TRPM2: variants seen among roughly 807,000 people sequenced by gnomAD.
TRPM2 encodes transient receptor potential cation channel subfamily M member 2, also known as estrogen-responsive element-associated gene 1 protein.
A neutral mutation model predicts 174.0 loss-of-function variants in TRPM2; 161 were observed. That is an observed-to-expected ratio of 0.93 (90% CI 0.81 to 1.05). The LOEUF is 1.05. Among genes scored for constraint, TRPM2 ranks in the 50% least tolerant of loss-of-function variants. TRPM2 has a pLI of 0.00. For missense variants in TRPM2, 2,057 were observed against 2,038.0 expected, an observed-to-expected ratio of 1.01 and a Z score of -0.18; for synonymous variants, 954 against 861.3, an observed-to-expected ratio of 1.11 and a Z score of -1.88.
chr21:44,400,360 C>T lies in TRPM2; in HGVS notation c.2310C>T (p.Leu770=), dbSNP rs756470487. 1.1e-5 allele frequency: 18 copies of T among 1,611,500 alleles called. No homozygotes were observed. Among genetic ancestry groups the T allele is most frequent in the Non-Finnish European group, 1.5e-5 (18 of 1,179,722 alleles). ...MLAFPLLLTG[L]ISFREKRLQD... ...CCTTCCCGCTGCTCCTCACCGGCCT[C>T]ATCTCCTTCAGGTGCTGCAGGGCTG... Residue 770 remains leucine (L), a synonymous_variant, in exon 15 of 32, where the codon CTC becomes CTT. Transcript: ENST00000397928.
intron 16 of TRPM2, among the ~76,000 whole-genome samples, chr21:44,402,671 T>C (rs2049663524): frequency 6.6e-6 from 1 of 152,142 alleles, no homozygotes; most frequent in Non-Finnish European, 1.5e-5. Context: ...CAGGCGGACA[T>C]TCCAAGGGCT....
chr21:44,406,137 A>G, intron 18 of TRPM2, 100 bp downstream of exon 18: 1 of 1,457,822 alleles, frequency 6.9e-7, no homozygotes, highest in Non-Finnish European at 9.3e-7. Flanking sequence ...GGGCTTAAAC[A>G]CACCTGTAGG....
chr21:44,441,948 T>C lies in TRPM2; in HGVS notation c.*131T>C, dbSNP rs1010777583. The C allele has an allele frequency of 2.1e-5, 27 of 1,312,492 alleles. No individual in the cohort carries two copies. Among genetic ancestry groups the C allele is most frequent in the South Asian group, 1.4e-4 (7 of 51,458 alleles). 81.3% of individuals were successfully genotyped at this position (1,312,492 alleles called of 1,614,324 possible). A position where few individuals can be genotyped will look rare whatever the true frequency, so the allele number is the denominator to read the frequency against. ...ACATGATGGGGTTTGGTGGACCCAG[T>C]GCCCCTCACGGCTGCCGCAAGTCTG... On this transcript the variant is annotated 3_prime_UTR_variant, in exon 32 of 32. Coordinates refer to ENST00000397928, the MANE Select transcript of TRPM2 (RefSeq NM_003307.4).
chr21:44,438,868 C>T lies in TRPM2; in HGVS notation c.4168-199C>T, dbSNP rs111286857. Among the ~76,000 whole-genome samples the T allele has an allele frequency of 0.011, 1,647 of 152,318 alleles. 31 individuals carry two copies. The highest frequency in any genetic ancestry group is 0.037 in the African/African-American group (1,542 of 41,576). ...GCAGCCCAGTGCCCCCTGCTCGGGC[C>T]ACGGCAGGCCTCACAGATGCTGACG... On this transcript the variant is annotated intron_variant, in intron 29 of 31. Coordinates refer to ENST00000397928, the MANE Select transcript of TRPM2 (RefSeq NM_003307.4). The surrounding 1 kb of genome is among the most constrained non-coding windows in gnomAD (Gnocchi z 5.9).
At chr21:44,375,690 C>T in intron 5 of TRPM2, 143 bp from the exon 6 acceptor site, 1 of 893,660 alleles carries the variant, frequency 1.1e-6, no homozygotes, top group South Asian at 1.8e-5. Flanking sequence ...ATCACATGTG[C>T]AAAGTCGCTT....
intron 22 of TRPM2, among the ~76,000 whole-genome samples, chr21:44,420,139 C>A (rs760192303): frequency 6.6e-6 from 1 of 152,080 alleles, no homozygotes; most frequent in African/African-American, 2.4e-5. Context: ...ATGATGACTT[C>A]CAGTTGAGCC....
intron 20 of TRPM2, among the ~76,000 whole-genome samples, chr21:44,417,594 T>C (rs1601207160): frequency 1.0e-5 from 1 of 96,008 alleles, no homozygotes; most frequent in Non-Finnish European, 2.0e-5. Flanking sequence ...GTGGCTCTGC[T>C]CTCTGTGGCA....
chr21:44,429,335 T>C (rs1294470514), intron 27 of TRPM2, among the ~76,000 whole-genome samples: 1 of 133,648 alleles, frequency 7.5e-6, no homozygotes, highest in African/African-American at 2.8e-5. Flanking sequence ...TTGCCCAGGC[T>C]GGAGTGCAAT....
At chr21:44,397,483 G>A (rs2049465306) in intron 12 of TRPM2, among the ~76,000 whole-genome samples, 3 of 152,326 alleles carry the variant, frequency 2.0e-5, no homozygotes, top group East Asian at 3.9e-4. Flanking sequence ...TGGTGCATGT[G>A]CTGGGCCCGT....
rs2146272708 is a variant in TRPM2, at chr21:44,399,196, G to C, written c.2063-100G>C. On this transcript the variant is annotated intron_variant, in intron 13 of 31. Coordinates refer to ENST00000397928, the MANE Select transcript of TRPM2 (RefSeq NM_003307.4). This position sits in a 1 kb window ranked among gnomAD's most constrained non-coding sequence, Gnocchi z 4.6. ...ACATTTGCCCTGTGCCCTTCCCTGTGTCCTGGTGGTGCTGTCCCGAGTGGT... is the reference window on the plus strand; with the variant it reads ...ACATTTGCCCTGTGCCCTTCCCTGTCTCCTGGTGGTGCTGTCCCGAGTGGT... 2 of 1,456,042 alleles carry C rather than the reference G, an allele frequency of 1.4e-6. No individual in the cohort carries two copies. Among genetic ancestry groups the C allele is most frequent in the Non-Finnish European group, 9.2e-7 (1 of 1,087,266 alleles). The allele number at this position is 1,456,042 out of a possible 1,614,324, so 90.2% of individuals were successfully genotyped here. A position where few individuals can be genotyped will look rare whatever the true frequency, so the allele number is the denominator to read the frequency against.
intron 13 of TRPM2, among the ~76,000 whole-genome samples, chr21:44,398,942 T>C (rs527960588): frequency 5.3e-5 from 8 of 152,284 alleles, no homozygotes; most frequent in African/African-American, 1.4e-4. Flanking sequence ...CATCTCTGTT[T>C]GGAAGTTAAA....
Position 44,441,848 on chromosome 21 carries a change from A to C in TRPM2, c.*31A>C. The C allele has an allele frequency of 6.4e-7, 1 of 1,565,442 alleles. No individual in the cohort carries two copies. Among genetic ancestry groups the C allele is most frequent in the Non-Finnish European group, 8.7e-7 (1 of 1,153,140 alleles). Reference sequence around the variant, plus strand: ...CCCTCAGGCTGGGCGGCTCCAGTCCATAGACGTTCCCCCCAGAAACCAGGG... The same window carrying C: ...CCCTCAGGCTGGGCGGCTCCAGTCCCTAGACGTTCCCCCCAGAAACCAGGG... On this transcript the variant is annotated 3_prime_UTR_variant, in exon 32 of 32. Transcript: ENST00000397928.
In TRPM2 at chr21:44,440,848, G is replaced by A; in HGVS notation, c.4329G>A (p.Val1443=). The change falls in exon 31 of 32, where the codon GTG becomes GTA. Residue 1443 remains valine (V), a synonymous_variant. Coordinates refer to ENST00000397928, the MANE Select transcript of TRPM2 (RefSeq NM_003307.4). ...CGGACAATGCCTGGATCGAGACGGT[G>A]GCCGTCAGCGTCCACTTCCAGGACC... is the stretch of plus-strand genomic sequence containing the variant. ...RNTDNAWIET[V]AVSVHFQDQN... 1.9e-6 allele frequency: 3 copies of A among 1,613,954 alleles called. No individual in the cohort carries two copies. Among genetic ancestry groups the A allele is most frequent in the Non-Finnish European group, 2.5e-6 (3 of 1,179,994 alleles).
At chr21:44,426,760 C>CT (rs1569107773) in intron 26 of TRPM2, 24 bp downstream of exon 26, 5 of 1,612,830 alleles carry the variant, frequency 3.1e-6, no homozygotes, top group Non-Finnish European at 3.4e-6. Flanking sequence ...GCTGTCCGTG[C>CT]TCCCAGCTGG....
At chr21:44,401,598 G>A (rs541574183) in intron 15 of TRPM2, 83 bp from the exon 16 acceptor site, 215 of 1,423,918 alleles carry the variant, frequency 1.5e-4, no homozygotes, top group African/African-American at 1.3e-3. Flanking sequence ...GGGGCACGGG[G>A]GATCACGGGG....
In TRPM2 at chr21:44,369,229, C is replaced by G; in HGVS notation, c.657C>G (p.Gly219=). 1 of 1,613,546 alleles carries G rather than the reference C, an allele frequency of 6.2e-7. No individual in the cohort carries two copies. Among genetic ancestry groups the G allele is most frequent in the Non-Finnish European group, 8.5e-7 (1 of 1,179,866 alleles). The change falls in exon 5 of 32, where the codon GGC becomes GGG. Residue 219 remains glycine (G), a synonymous_variant. Transcript: ENST00000397928. ...ACACCGGCGTCATGAAGCAGGTAGG[C>G]GAGGCGGTGCGGGACTTCAGCCTGA... The part of the protein sequence containing the change: ...GSHTGVMKQV[G]EAVRDFSLSS...
intron 4 of TRPM2, among the ~76,000 whole-genome samples, chr21:44,368,046 C>T (rs562324996): frequency 2.6e-5 from 4 of 152,310 alleles, no homozygotes; most frequent in South Asian, 2.1e-4. Context: ...CCTTGTTGTC[C>T]GCTTCCTGGC....
intron 2 of TRPM2, among the ~76,000 whole-genome samples, chr21:44,360,102 T>C (rs955905712): frequency 6.6e-6 from 1 of 152,200 alleles, no homozygotes; most frequent in Non-Finnish European, 1.5e-5. Flanking sequence ...TCTAAAAATA[T>C]GGTGGATTTC....
Position 44,354,777 on chromosome 21 carries a change from C to A in TRPM2, c.254+41C>A. The A allele has an allele frequency of 6.3e-7, 1 of 1,583,230 alleles. No homozygotes were observed. Among genetic ancestry groups the A allele is most frequent in the South Asian group, 1.1e-5 (1 of 90,460 alleles). Reference sequence around the variant, plus strand: ...TGTGTGTAAGACCTCTGACTTCTTCCTTCCGATCCCACATGGAGTAGCTGA... The same window carrying A: ...TGTGTGTAAGACCTCTGACTTCTTCATTCCGATCCCACATGGAGTAGCTGA... On this transcript the variant is annotated intron_variant, in intron 2 of 31. Transcript: ENST00000397928. This position sits in a 1 kb window ranked among gnomAD's most constrained non-coding sequence, Gnocchi z 4.3.
Sources: allele counts gnomAD v4.1 joint callset (sites outside exome capture counted in the v4.1 genomes callset), GRCh38; gene constraint gnomAD v4.1.1; non-coding constraint Gnocchi (gnomAD v3.1); transcripts MANE v1.5; gene names NCBI Gene and HGNC (gene_info 2026-07-23, HGNC 2026-07-21).